Variants in SCML4 observed in about 807,000 individuals in gnomAD.
SCML4 encodes the protein sex comb on midleg-like protein 4.
In SCML4, 34 loss-of-function variants were observed where a neutral mutation model predicts 41.1. The ratio of observed to expected loss-of-function variants is 0.83; its 90% CI spans 0.63 to 1.10. The LOEUF (loss-of-function observed/expected upper bound fraction) is 1.10, where lower values mean the gene tolerates loss of function less well. Among genes scored for constraint, SCML4 ranks in the 50% least tolerant of loss-of-function variants. The pLI, the probability that SCML4 is intolerant of heterozygous loss-of-function variation, is 0.00. For synonymous variants in SCML4, 214 were observed against 220.9 expected, an observed-to-expected ratio of 0.97 and a Z score of 0.28; for missense variants, 522 against 534.1, an observed-to-expected ratio of 0.98 and a Z score of 0.22.
At chr6:107,825,125 C>T (rs761097598), upstream of SCML4, among the ~76,000 whole-genome samples, 4 of 152,196 alleles carry the variant, frequency 2.6e-5, no homozygotes, top group African/African-American at 2.4e-5. Flanking sequence ...CAATATATAT[C>T]GGCGAAGGGA....
intron 1 of SCML4, among the ~76,000 whole-genome samples, chr6:107,782,131 C>T (rs574625531): frequency 3.3e-5 from 5 of 152,262 alleles, no homozygotes; most frequent in East Asian, 1.9e-4. Context: ...CACAGTGAAG[C>T]GGGAAAAACA....
chr6:107,720,695 T>G lies in SCML4; in HGVS notation c.973+8A>C. On this transcript the variant is annotated splice_region_variant and intron_variant, in intron 6 of 7. Transcript: ENST00000369020. ...GTCAGTGGGAAGCTGATGCATGCATTACATTACCACATCTGTTTCCTTCAA... is the reference window on the plus strand; with the variant it reads ...GTCAGTGGGAAGCTGATGCATGCATGACATTACCACATCTGTTTCCTTCAA... 1 of 1,533,286 alleles carries G rather than the reference T, an allele frequency of 6.5e-7. No individual in the cohort carries two copies. Among genetic ancestry groups the G allele is most frequent in the African/African-American group, 1.4e-5 (1 of 72,308 alleles). The allele number at this position is 1,533,286 out of a possible 1,614,324, so 95.0% of individuals were successfully genotyped here. A position where few individuals can be genotyped will look rare whatever the true frequency, so the allele number is the denominator to read the frequency against.
chr6:107,712,032 G>A (rs1728124), intron 6 of SCML4, among the ~76,000 whole-genome samples: 114,054 of 151,882 alleles, frequency 0.75, 43,011 homozygotes, highest in Admixed American at 0.81. Flanking sequence ...GGTTTGGCAC[G>A]GGGCATTTTT....
chr6:107,844,164 T>C, the SCML4 span, among the ~76,000 whole-genome samples: 1 of 152,000 alleles, frequency 6.6e-6, no homozygotes, highest in Non-Finnish European at 1.5e-5. Context: ...AGCTATTAAA[T>C]GATGGGAAAC....
At chr6:107,759,744 C>T (rs1779429306) in intron 2 of SCML4, among the ~76,000 whole-genome samples, 1 of 152,090 alleles carries the variant, frequency 6.6e-6, no homozygotes, top group African/African-American at 2.4e-5. Context: ...TTCTGTAATA[C>T]TAAAGTAATA....
intron 2 of SCML4, among the ~76,000 whole-genome samples, chr6:107,763,776 G>A (rs1188450305): frequency 1.3e-5 from 2 of 152,206 alleles, no homozygotes; most frequent in Non-Finnish European, 2.9e-5. Context: ...GGCAGCCATT[G>A]CCAAGACAGC....
chr6:107,721,137 A>T, intron 5 of SCML4, 144 bp from the exon 6 acceptor site: 1 of 950,426 alleles, frequency 1.1e-6, no homozygotes, highest in African/African-American at 1.7e-5. Context: ...ACCTCACAAC[A>T]TAATTCCAAA....
At chr6:107,786,474 C>CT (rs34886055) in intron 1 of SCML4, among the ~76,000 whole-genome samples, 21,142 of 152,034 alleles carry the variant, frequency 0.14, 1,966 homozygotes, top group African/African-American at 0.27. Flanking sequence ...ATTCTACATC[C>CT]TTTCTTGTGG....
rs199721894 is a variant in SCML4, at chr6:107,708,916, C to T, written c.974-905G>A. Among the ~76,000 whole-genome samples the T allele has an allele frequency of 7.9e-5, 12 of 152,240 alleles. No individual in the cohort carries two copies. The East Asian group carries it at 1.7e-3, about 22-fold the overall frequency. On this transcript the variant is annotated intron_variant, in intron 6 of 7. Transcript: ENST00000369020. The stretch of plus-strand genomic sequence containing the variant: ...TCATCCTCTTTCCCTAGAGCCAGCT[C>T]CTCTTCCTATCTCCCCCATTTTAGG...
intron 1 of SCML4, among the ~76,000 whole-genome samples, chr6:107,817,563 G>A (rs1409512706): frequency 7.0e-6 from 1 of 143,064 alleles, no homozygotes; most frequent in Non-Finnish European, 1.5e-5. Flanking sequence ...AGAGGCTGCC[G>A]TGAGCTGAGA....
rs574261350 is a variant in SCML4, at chr6:107,738,093, C to T, written c.682+6856G>A. On this transcript the variant is annotated intron_variant, in intron 5 of 7. Coordinates refer to ENST00000369020, the MANE Select transcript of SCML4 (RefSeq NM_198081.5). Reference sequence around the variant, plus strand: ...TTTAAATTTTAACACTCAAAGGCAACAACAATTTTCCCCGTGGTCATCTCA... The same window carrying T: ...TTTAAATTTTAACACTCAAAGGCAATAACAATTTTCCCCGTGGTCATCTCA... Among the ~76,000 whole-genome samples the T allele has an allele frequency of 4.0e-3, 604 of 152,264 alleles. 6 individuals are homozygous for T. The East Asian group carries it at 0.052, about 13-fold the overall frequency.
At chr6:107,746,342 G>A (rs1778087646) in intron 4 of SCML4, 1 of 228,998 alleles carries the variant, frequency 4.4e-6, no homozygotes, top group South Asian at 1.1e-4. Context: ...TGTGGGTGGT[G>A]AAAGGTGGTT....
chr6:107,736,748 C>G lies in SCML4; in HGVS notation c.682+8201G>C, dbSNP rs117084089. Among the ~76,000 whole-genome samples, 609 of 152,272 alleles carry G rather than the reference C, an allele frequency of 4.0e-3. 7 individuals are homozygous for G. The East Asian group carries it at 0.053, about 13-fold the overall frequency. ...GTGTTGTTGGATAGGAAGCAGGTTTCATTTCTCAATGCTGAGTGTATAGGT... is the reference window on the plus strand; with the variant it reads ...GTGTTGTTGGATAGGAAGCAGGTTTGATTTCTCAATGCTGAGTGTATAGGT... On this transcript the variant is annotated intron_variant, in intron 5 of 7. Coordinates refer to ENST00000369020, the MANE Select transcript of SCML4 (RefSeq NM_198081.5).
At chr6:107,840,043 C>T in the SCML4 span, among the ~76,000 whole-genome samples, 1 of 152,106 alleles carries the variant, frequency 6.6e-6, no homozygotes, top group South Asian at 2.1e-4. Context: ...ATTATATATG[C>T]TTTATGAAAA....
chr6:107,835,384 A>T, the SCML4 span, among the ~76,000 whole-genome samples: 1 of 152,132 alleles, frequency 6.6e-6, no homozygotes, highest in African/African-American at 2.4e-5. Context: ...TAAATAATTT[A>T]AAAATGAAAT....
At chr6:107,766,278 A>T (rs1305012594) in intron 2 of SCML4, among the ~76,000 whole-genome samples, 1 of 151,930 alleles carries the variant, frequency 6.6e-6, no homozygotes, top group Non-Finnish European at 1.5e-5. Context: ...GCTGAGGCAG[A>T]AGAATTGCTT....
At chr6:107,839,355 A>G in the SCML4 span, among the ~76,000 whole-genome samples, 1 of 73,200 alleles carries the variant, frequency 1.4e-5, no homozygotes, top group South Asian at 3.6e-4. Context: ...GAAAGAAAGA[A>G]AGAAAGAAAG....
intron 2 of SCML4, among the ~76,000 whole-genome samples, chr6:107,757,194 C>T (rs1272600224): frequency 6.6e-6 from 1 of 152,120 alleles, no homozygotes; most frequent in East Asian, 1.9e-4. Context: ...TTTCTGGCTC[C>T]AGCTGTCATT....
chr6:107,832,325 G>A, the SCML4 span, among the ~76,000 whole-genome samples: 6 of 152,148 alleles, frequency 3.9e-5, no homozygotes, highest in African/African-American at 9.7e-5. Context: ...GGTCAATAAT[G>A]TCACCAAAGA....
Sources: gnomAD v4.1 joint callset for allele counts (sites outside exome capture counted in the v4.1 genomes callset) on GRCh38, gnomAD v4.1.1 for gene constraint, MANE v1.5 for transcripts, NCBI Gene and HGNC (gene_info 2026-07-23, HGNC 2026-07-21) for gene names.